Variants in MIA2 observed in about 807,000 individuals in gnomAD.
MIA2 encodes the protein MIA SH3 domain ER export factor 2.
In MIA2, 127 loss-of-function variants were observed where a neutral mutation model predicts 167.8. The ratio of observed to expected loss-of-function variants is 0.76; its 90% confidence interval spans 0.66 to 0.88. MIA2 has a LOEUF of 0.88. MIA2 is among the 40% of genes least tolerant of loss of function. The pLI, the probability that MIA2 is intolerant of heterozygous loss-of-function variation, is 0.00. For missense variants in MIA2, 1,690 were observed against 1,624.7 expected (o/e 1.04, Z -0.69); for synonymous variants, 552 against 541.9 (o/e 1.02, Z -0.26).
intron 6 of MIA2, among the ~76,000 whole-genome samples, chr14:39,275,255 C>G (rs1439707511): frequency 6.6e-6 from 1 of 151,214 alleles, no homozygotes; most frequent in East Asian, 2.0e-4. Context: ...ATTGTCCCAC[C>G]TCAGCCTTTC....
intron 3 of MIA2, among the ~76,000 whole-genome samples, chr14:39,246,339 C>T (rs1195242482): frequency 6.6e-6 from 1 of 150,728 alleles, no homozygotes; most frequent in Non-Finnish European, 1.5e-5. Flanking sequence ...TCAGGCAATC[C>T]ACCCGCCTGA....
intron 4 of MIA2, among the ~76,000 whole-genome samples, chr14:39,248,662 C>T (rs189030852): frequency 1.6e-4 from 24 of 152,156 alleles, no homozygotes; most frequent in Non-Finnish European, 1.6e-4. Context: ...TTTTCTCATT[C>T]ACATTCGCTT....
At chr14:39,288,470 T>TTTG (rs1566748607) in intron 9 of MIA2, among the ~76,000 whole-genome samples, 6 of 41,624 alleles carry the variant, frequency 1.4e-4, no homozygotes, top group African/African-American at 7.4e-4. Flanking sequence ...TATATATATA[T>TTTG]ATATATTTTT....
intron 23 of MIA2, among the ~76,000 whole-genome samples, chr14:39,365,551 T>C (rs539927052): frequency 6.6e-6 from 1 of 152,340 alleles, no homozygotes; most frequent in East Asian, 1.9e-4. Flanking sequence ...TGAAATTCTT[T>C]CCTCTGGTTG....
intron 23 of MIA2, among the ~76,000 whole-genome samples, chr14:39,375,931 T>C (rs1428826610): frequency 6.6e-6 from 1 of 152,178 alleles, no homozygotes; most frequent in Non-Finnish European, 1.5e-5. Flanking sequence ...TTTGGTAACC[T>C]AAAGCAAACA....
chr14:39,306,917 A>T (rs1394531382), intron 17 of MIA2, among the ~76,000 whole-genome samples: 4 of 152,146 alleles, frequency 2.6e-5, no homozygotes, highest in African/African-American at 9.7e-5. Flanking sequence ...CGAGGTTTTT[A>T]AAAAAATTGA....
intron 18 of MIA2, among the ~76,000 whole-genome samples, chr14:39,312,508 A>G (rs1320566782): frequency 1.3e-5 from 2 of 152,264 alleles, no homozygotes; most frequent in East Asian, 1.9e-4. Context: ...GAAGAAGGGA[A>G]GATATCCATT....
intron 6 of MIA2, among the ~76,000 whole-genome samples, chr14:39,271,749 G>A (rs960616097): frequency 1.1e-4 from 17 of 151,938 alleles, no homozygotes; most frequent in African/African-American, 2.9e-4. Flanking sequence ...GGGCAACTTG[G>A]TGAAACTGTT....
At chr14:39,318,582 TCTTG>T (rs1030238372) in intron 22 of MIA2, among the ~76,000 whole-genome samples, 134 of 152,308 alleles carry the variant, frequency 8.8e-4, no homozygotes, top group African/African-American at 2.9e-3. Context: ...TTTTTAGTCC[TCTTG>T]CTTGTCTTTT....
rs1566747774 is a variant in MIA2 at position 39,288,459 on chromosome 14, A to ATT, written c.2131-2559_2131-2558insTT. On this transcript the variant is annotated intron_variant, in intron 9 of 28. Coordinates refer to ENST00000640607, the MANE Select transcript of MIA2 (RefSeq NM_001329214.4). ...TATATATATATATATATATATATATATATATATATATATATATTTTTTTTT... is the reference window on the plus strand; with the variant it reads ...TATATATATATATATATATATATATATTTATATATATATATATATTTTTTTTT... Among the ~76,000 whole-genome samples the ATT allele has an allele frequency of 2.3e-4, 4 of 17,282 alleles. 1 individual carries two copies. The highest frequency in any genetic ancestry group is 3.5e-3 in the South Asian group (1 of 284). The allele number at this position is 17,282 out of a possible 152,430, so 11.3% of individuals were successfully genotyped here. A position where few individuals can be genotyped will look rare whatever the true frequency, so the allele number is the denominator to read the frequency against.
At chr14:39,241,637 C>T (rs2054044024) in intron 3 of MIA2, among the ~76,000 whole-genome samples, 1 of 152,210 alleles carries the variant, frequency 6.6e-6, no homozygotes, top group East Asian at 1.9e-4. Context: ...GATTAGAATA[C>T]TAAGTAGCCT....
chr14:39,267,179 G>C (rs887912445), intron 6 of MIA2: 1 of 1,196,912 alleles, frequency 8.4e-7, no homozygotes, highest in Admixed American at 4.5e-5. Flanking sequence ...GGGTGGGGTG[G>C]CGAGGACAGG....
At position 39,388,493 on chromosome 14, in the gene MIA2, G is replaced by C. The variant is rs1045449819; in HGVS notation, c.*1541G>C. 1.3e-5 allele frequency: 2 copies of C among 155,270 alleles called. No homozygotes were observed. Among genetic ancestry groups the C allele is most frequent in the African/African-American group, 4.8e-5 (2 of 41,508 alleles). 9.6% of individuals were successfully genotyped at this position (155,270 alleles called of 1,614,324 possible). On this transcript the variant is annotated 3_prime_UTR_variant, in exon 24 of 24. Transcript: ENST00000341502. This position sits in a 1 kb window ranked among gnomAD's most constrained non-coding sequence, Gnocchi z 4.1. ...AAATGTTAATATGCCATTCATTTGA[G>C]AAATATATTTGAGAGTCTTCTGTGT...
downstream of MIA2, among the ~76,000 whole-genome samples, chr14:39,355,937 T>C (rs2074511405): frequency 6.6e-6 from 1 of 152,230 alleles, no homozygotes; most frequent in Admixed American, 6.5e-5. Flanking sequence ...TTTGATGTGC[T>C]GTGGATTCGG....
At chr14:39,251,229 A>C (rs2054557485) in intron 4 of MIA2, among the ~76,000 whole-genome samples, 1 of 152,178 alleles carries the variant, frequency 6.6e-6, no homozygotes, top group Non-Finnish European at 1.5e-5. Context: ...GAATTTACAA[A>C]ACGGGTAAAC....
At chr14:39,288,499 G>T (rs1336790890) in intron 9 of MIA2, among the ~76,000 whole-genome samples, 2 of 80,630 alleles carry the variant, frequency 2.5e-5, no homozygotes, top group East Asian at 3.9e-4. Flanking sequence ...TTTTGAGACG[G>T]AGTCTGGCGC....
chr14:39,386,606 TC>T, intron 23 of MIA2: 1 of 1,039,480 alleles, frequency 9.6e-7, no homozygotes, highest in Non-Finnish European at 1.4e-6. Flanking sequence ...CTTTCTTTTT[TC>T]TTTTTTTTCT....
At position 39,324,069 on chromosome 14, in the gene MIA2, C is replaced by T. The variant is rs114418874; in HGVS notation, c.3497-2795C>T. On this transcript the variant is annotated intron_variant, in intron 24 of 28. Coordinates refer to ENST00000640607, the MANE Select transcript of MIA2 (RefSeq NM_001329214.4). ...GGATGAGTGGTATATTTGAATAATA[C>T]TGAGTACAAGTAAAACAATTTCTTC... 2.6e-3 allele frequency among the ~76,000 whole-genome samples: 402 copies of T among 152,216 alleles called. 2 individuals carry two copies. The highest frequency in any genetic ancestry group is 0.017 in the Middle Eastern group (5 of 294).
intron 15 of MIA2, among the ~76,000 whole-genome samples, chr14:39,303,114 C>T (rs563884135): frequency 6.6e-6 from 1 of 152,044 alleles, no homozygotes; most frequent in South Asian, 2.1e-4. Flanking sequence ...TGAGAAAACT[C>T]ATGCTTGTTT....
Sources: gnomAD v4.1 joint callset for allele counts (sites outside exome capture counted in the v4.1 genomes callset) on GRCh38, gnomAD v4.1.1 for gene constraint, Gnocchi (gnomAD v3.1) non-coding constraint, MANE v1.5 for transcripts, NCBI Gene and HGNC (gene_info 2026-07-23, HGNC 2026-07-21) for gene names.